Variants in SETD1A observed in about 807,000 individuals in gnomAD.
The protein encoded by SETD1A is histone-lysine N-methyltransferase SETD1A.
Under a neutral mutation model 149.9 loss-of-function variants are expected in SETD1A, and 29 were observed. That is an observed-to-expected ratio of 0.19 (90% confidence interval 0.14 to 0.26). The LOEUF is 0.26. SETD1A is among the 10% of genes least tolerant of loss of function. The pLI is 1.00. For synonymous variants in SETD1A, 1,141 were observed against 968.5 expected (o/e 1.18, Z -3.31); for missense variants, 2,109 against 2,353.1 (o/e 0.90, Z 2.15).
rs560040445 is a variant in SETD1A at position 30,967,674 on chromosome 16, G to A, written c.2770+86G>A. On this transcript the variant is annotated intron_variant, in intron 10 of 18. Transcript: ENST00000262519. ...GAGGTAGGGATGAAGGGGTCAGGTC[G>A]TCCTGAGGGCACAGCCAGGTGGAGG... is the stretch of plus-strand genomic sequence containing the variant. 1,530 of 1,143,074 alleles carry A rather than the reference G, an allele frequency of 1.3e-3. 21 individuals carry two copies. In the South Asian group the frequency reaches 0.018, roughly 13 times the overall value. 70.8% of individuals were successfully genotyped at this position (1,143,074 alleles called of 1,614,324 possible). A position where few individuals can be genotyped will look rare whatever the true frequency, so the allele number is the denominator to read the frequency against.
At chr16:30,959,536 C>T (rs2056018196) in intron 3 of SETD1A, among the ~76,000 whole-genome samples, 1 of 152,164 alleles carries the variant, frequency 6.6e-6, no homozygotes, top group Non-Finnish European at 1.5e-5. Context: ...AGTGACAAGG[C>T]CACTGCCTAC....
chr16:30,975,288 C>T (rs1239631438), intron 13 of SETD1A, among the ~76,000 whole-genome samples: 5 of 151,940 alleles, frequency 3.3e-5, no homozygotes, highest in Non-Finnish European at 5.9e-5. Context: ...CCAGCCTGGG[C>T]GACAGAGCGA....
At chr16:30,966,442 T>G in intron 8 of SETD1A, 56 bp downstream of exon 8, 1 of 1,537,914 alleles carries the variant, frequency 6.5e-7, no homozygotes, top group Non-Finnish European at 8.7e-7. Context: ...GAAATGGGCC[T>G]CTGGCTCCTC....
At position 30,966,988 on chromosome 16, in the gene SETD1A, G is replaced by T. The variant is rs147752310; in HGVS notation, c.2610G>T (p.Gly870=). ...CCCTCGTGGACTGGGCCAAGAGCGG[G>T]GGCACTACGGGCATCGAGGCTTTCG... The part of the protein sequence containing the change: ...LLSLVDWAKS[G]GTTGIEAFAF... The change falls in exon 9 of 19, where the codon GGG becomes GGT. Residue 870 remains glycine, a synonymous_variant. Coordinates refer to ENST00000262519, the MANE Select transcript of SETD1A (RefSeq NM_014712.3). The T allele has an allele frequency of 2.7e-5, 43 of 1,595,658 alleles. No homozygotes were observed. The highest frequency in any genetic ancestry group is 7.1e-5 in the Admixed American group (4 of 56,022).
rs200974341 is a variant in SETD1A at position 30,966,190 on chromosome 16, G to A, written c.2309G>A (p.Arg770Gln). The A allele has an allele frequency of 2.3e-5, 37 of 1,612,260 alleles. No individual in the cohort carries two copies. In the East Asian group the frequency reaches 4.7e-4, roughly 20 times the overall value. The part of the protein sequence containing the change: ...PSSSVSGEEA[R>Q]LPPREEAELA... ...TCCTCAGTCTCGGGAGAGGAGGCCC[G>A]GCTGCCACCCAGGGAAGAAGCAGAG... Residue 770 changes from arginine (R) to glutamine (Q), a missense_variant, in exon 8 of 19, where the codon CGG becomes CAG. Coordinates refer to ENST00000262519, the MANE Select transcript of SETD1A (RefSeq NM_014712.3).
intron 13 of SETD1A, among the ~76,000 whole-genome samples, chr16:30,978,785 G>T (rs1162668334): frequency 1.3e-5 from 2 of 152,214 alleles, no homozygotes; most frequent in African/African-American, 4.8e-5. Flanking sequence ...GGGCTGTCCC[G>T]CCAGTCTGGG....
At position 30,984,237 on chromosome 16, in the gene SETD1A, C is replaced by G. The variant is rs988304047; in HGVS notation, c.*214C>G. ...TGCCCACCACCCCCTGATTGTTTTT[C>G]TTTGCGGAGAAGAAGCTGTAAATGT... On this transcript the variant is annotated 3_prime_UTR_variant, in exon 19 of 19. Coordinates refer to ENST00000262519, the MANE Select transcript of SETD1A (RefSeq NM_014712.3). 1 of 569,910 alleles carries G rather than the reference C, an allele frequency of 1.8e-6. No individual in the cohort carries two copies. Among genetic ancestry groups the G allele is most frequent in the Non-Finnish European group, 3.1e-6 (1 of 320,362 alleles). 35.3% of individuals were successfully genotyped at this position (569,910 alleles called of 1,614,324 possible).
chr16:30,979,761 C>A lies in SETD1A; in HGVS notation c.3975C>A (p.Ala1325=). The A allele has an allele frequency of 3.1e-6, 5 of 1,595,896 alleles. No individual in the cohort carries two copies. The highest frequency in any genetic ancestry group is 8.5e-7 in the Non-Finnish European group (1 of 1,177,546). ...LRPPEPVPAP[A]ALFSSPADEV... ...CCCCGGAGCCAGTGCCCGCACCCGC[C>A]GCCCTCTTCAGTTCCCCAGCTGATG... Residue 1325 remains alanine, a synonymous_variant, in exon 14 of 19, where the codon GCC becomes GCA. Coordinates refer to ENST00000262519, the MANE Select transcript of SETD1A (RefSeq NM_014712.3).
chr16:30,973,239 T>C (rs1372204583), intron 13 of SETD1A, among the ~76,000 whole-genome samples: 1 of 152,062 alleles, frequency 6.6e-6, no homozygotes, highest in Non-Finnish European at 1.5e-5. Context: ...TGGTCAGATG[T>C]ATGTTTCGAA....
At chr16:30,975,943 G>A (rs13333418) in intron 13 of SETD1A, among the ~76,000 whole-genome samples, 1 of 152,080 alleles carries the variant, frequency 6.6e-6, no homozygotes, top group Admixed American at 6.6e-5. Context: ...AGGAATGCTT[G>A]CTGGCATGGC....
chr16:30,969,344 C>T lies in SETD1A; in HGVS notation c.2810C>T (p.Pro937Leu), dbSNP rs61741186. 456 of 1,614,028 alleles carry T rather than the reference C, an allele frequency of 2.8e-4. 1 individual carries two copies. Among genetic ancestry groups the T allele is most frequent in the Non-Finnish European group, 3.0e-4 (349 of 1,180,010 alleles). The stretch of plus-strand genomic sequence containing the variant: ...AAGGAGGCTGGAGAGCCAGGACGTC[C>T]GGGGACCAAGCCCCCGAAGCGGGAC... ...QEKEAGEPGRPGTKPPKRDEE... is the reference protein window; with the variant it reads ...QEKEAGEPGRLGTKPPKRDEE... The change falls in exon 11 of 19, where the codon CCG (proline) becomes CTG (leucine). Residue 937 changes from proline (P) to leucine (L), a missense_variant. Physicochemically the swap from Pro to Leu is moderately conservative, Grantham distance 98 (BLOSUM62 -3). Transcript: ENST00000262519.
rs1375679954 is a variant in SETD1A, at chr16:30,983,170, G to T, written c.4813-465G>T. ...AGTAAGGGTTGCTCCTCACACGGAGGTGCGGGGCCTGACATGGGCGGCCTG... is the reference window on the plus strand; with the variant it reads ...AGTAAGGGTTGCTCCTCACACGGAGTTGCGGGGCCTGACATGGGCGGCCTG... On this transcript the variant is annotated intron_variant, in intron 17 of 18. Transcript: ENST00000262519. This position sits in a 1 kb window ranked among gnomAD's most constrained non-coding sequence, Gnocchi z 6.8. Among the ~76,000 whole-genome samples, 2 of 152,184 alleles carry T rather than the reference G, an allele frequency of 1.3e-5. No homozygotes were observed. Among genetic ancestry groups the T allele is most frequent in the Non-Finnish European group, 2.9e-5 (2 of 68,032 alleles).
intron 4 of SETD1A, among the ~76,000 whole-genome samples, chr16:30,962,629 A>C (rs2056070194): frequency 6.6e-6 from 1 of 152,156 alleles, no homozygotes; most frequent in African/African-American, 2.4e-5. Context: ...ATGAGGTTTA[A>C]CATTCTTGAA....
chr16:30,960,584 G>A (rs536379731), intron 3 of SETD1A, among the ~76,000 whole-genome samples: 1 of 152,230 alleles, frequency 6.6e-6, no homozygotes, highest in South Asian at 2.1e-4. Context: ...TTTTCTGTAT[G>A]GGAATCTCTT....
At position 30,979,556 on chromosome 16, in the gene SETD1A, C is replaced by G; in HGVS notation, c.3770C>G (p.Ala1257Gly). 6.2e-7 allele frequency: 1 copy of G among 1,608,934 alleles called. No individual in the cohort carries two copies. The highest frequency in any genetic ancestry group is 8.5e-7 in the Non-Finnish European group (1 of 1,178,944). Residue 1257 changes from alanine to glycine, a missense_variant, in exon 14 of 19, where the codon GCC (alanine) becomes GGC (glycine). Ala to Gly is a moderately conservative substitution (Grantham distance 60). This residue lies in a region of SETD1A where 832 missense variants were observed against 815.6 expected (regional missense o/e 1.02). Transcript: ENST00000262519. ...PGTEVDLAVLADLALTPARRG... is the reference protein window; with the variant it reads ...PGTEVDLAVLGDLALTPARRG... ...ACAGAGGTGGACCTGGCGGTCCTGG[C>G]CGACCTGGCCCTGACCCCTGCCCGG...
Position 30,964,963 on chromosome 16 carries a change from T to G in SETD1A, c.1221T>G (p.Pro407=), listed in dbSNP as rs2056116593. The G allele has an allele frequency of 6.2e-7, 1 of 1,614,116 alleles. No individual in the cohort carries two copies. Among genetic ancestry groups the G allele is most frequent in the South Asian group, 1.1e-5 (1 of 91,074 alleles). The change falls in exon 7 of 19, where the codon CCT becomes CCG. Residue 407 remains proline (P), a synonymous_variant. Coordinates refer to ENST00000262519, the MANE Select transcript of SETD1A (RefSeq NM_014712.3). ...FAENTAERFP[P]SYTSYLPPEP... ...AAAATACAGCTGAGCGCTTCCCACC[T>G]TCTTACACCTCCTACCTGCCCCCCG...
chr16:30,967,759 C>T (rs534877368), intron 10 of SETD1A, among the ~76,000 whole-genome samples, 171 bp downstream of exon 10: 73 of 152,230 alleles, frequency 4.8e-4, no homozygotes, highest in Non-Finnish European at 8.4e-4. Context: ...GAGTTATCCC[C>T]GGATTGTAGT....
rs138168130 is a variant in SETD1A at position 30,971,395 on chromosome 16, G to C, written c.3034G>C (p.Asp1012His). ...ATTTCCAGGCGAGGACGAGGAAAGC[G>C]ATTCGTCTTCCAAATGTTCTCTGTA... ...EVSDGEDEESDSSSKCSLYAD... is the reference protein window; with the variant it reads ...EVSDGEDEESHSSSKCSLYAD... The change falls in exon 13 of 19, where the codon GAT becomes CAT. Residue 1012 changes from aspartate to histidine, a missense_variant. Transcript: ENST00000262519. 1 of 1,585,816 alleles carries C rather than the reference G, an allele frequency of 6.3e-7. No homozygotes were observed. Among genetic ancestry groups the C allele is most frequent in the Non-Finnish European group, 8.6e-7 (1 of 1,160,600 alleles).
chr16:30,969,702 C>T lies in SETD1A; in HGVS notation c.3016+13C>T, dbSNP rs1470778030. On this transcript the variant is annotated intron_variant, in intron 12 of 18. Coordinates refer to ENST00000262519, the MANE Select transcript of SETD1A (RefSeq NM_014712.3). ...GAGGTGTCGGATGGTGAGCACAAGA[C>T]AGTGAAATCGACTTTGGGCTCGGAG... 1.2e-6 allele frequency: 2 copies of T among 1,609,088 alleles called. No homozygotes were observed. Among genetic ancestry groups the T allele is most frequent in the Non-Finnish European group, 8.5e-7 (1 of 1,175,504 alleles).
Sources: allele counts gnomAD v4.1 joint callset (sites outside exome capture counted in the v4.1 genomes callset), GRCh38; gene constraint gnomAD v4.1.1; regional missense constraint gnomAD v4.1.1; non-coding constraint Gnocchi (gnomAD v3.1); transcripts MANE v1.5; gene names NCBI Gene and HGNC (gene_info 2026-07-23, HGNC 2026-07-21).